MDGA2: variants seen among roughly 807,000 people sequenced by gnomAD.
MDGA2 encodes the protein MAM domain-containing glycosylphosphatidylinositol anchor protein 2.
In MDGA2, 40 loss-of-function variants were observed where a neutral mutation model predicts 117.8. That is an observed-to-expected ratio of 0.34 (90% CI 0.26 to 0.44). The LOEUF is 0.44. Among genes scored for constraint, MDGA2 ranks in the 20% least tolerant of loss-of-function variants. The pLI is 1.00. For synonymous variants in MDGA2, 452 were observed against 439.0 expected (o/e 1.03, Z -0.37); for missense variants, 1,123 against 1,250.6 (o/e 0.90, Z 1.54).
At chr14:47,170,529 A>C (rs762201030) in intron 3 of MDGA2, among the ~76,000 whole-genome samples, 7 of 152,148 alleles carry the variant, frequency 4.6e-5, no homozygotes, top group Non-Finnish European at 8.8e-5. Context: ...GAGTGACTTA[A>C]GAAGTCAAGC....
At chr14:47,484,009 T>C (rs938096572) in intron 1 of MDGA2, among the ~76,000 whole-genome samples, 1 of 152,218 alleles carries the variant, frequency 6.6e-6, no homozygotes, top group African/African-American at 2.4e-5. Context: ...CTCATTTTCA[T>C]AGTTTTAAAA....
chr14:46,989,332 A>G (rs75126842), intron 8 of MDGA2, among the ~76,000 whole-genome samples: 7,428 of 151,370 alleles, frequency 0.049, 592 homozygotes, highest in African/African-American at 0.17. Context: ...GAAAAAAAAA[A>G]GGGGGGTATC....
intron 1 of MDGA2, among the ~76,000 whole-genome samples, chr14:47,430,928 TTGAC>T (rs1594853302): frequency 6.6e-6 from 1 of 152,078 alleles, no homozygotes; most frequent in Admixed American, 6.6e-5. Flanking sequence ...ATTTTGAAGA[TTGAC>T]TGAGTGCACA....
intron 5 of MDGA2, among the ~76,000 whole-genome samples, chr14:47,103,718 C>T (rs780124851): frequency 1.3e-5 from 2 of 152,136 alleles, no homozygotes; most frequent in Non-Finnish European, 2.9e-5. Context: ...GGAAGAGATG[C>T]GATTCATATG....
intron 3 of MDGA2, among the ~76,000 whole-genome samples, chr14:47,177,550 G>A (rs1215831065): frequency 2.0e-5 from 3 of 152,048 alleles, no homozygotes; most frequent in Non-Finnish European, 4.4e-5. Flanking sequence ...CTATTGCAAG[G>A]ACAAAAATCA....
At position 46,882,168 on chromosome 14, in the gene MDGA2, T is replaced by C; in HGVS notation, c.2292A>G (p.Gln764=). The C allele has an allele frequency of 6.2e-7, 1 of 1,612,822 alleles. No homozygotes were observed. Among genetic ancestry groups the C allele is most frequent in the South Asian group, 1.1e-5 (1 of 91,002 alleles). Residue 764 remains glutamine (Q), a synonymous_variant, in exon 11 of 17, where the codon CAA becomes CAG. Coordinates refer to ENST00000399232, the MANE Select transcript of MDGA2 (RefSeq NM_001113498.3). ...EQEIKINGNI[Q]KGELITYNLT... ...AGTTATATGTAATTAATTCTCCCTT[T>C]TGAATATTCCCATTTATTTTAATCT...
chr14:46,869,318 C>T (rs1228005180), intron 14 of MDGA2, among the ~76,000 whole-genome samples: 9 of 144,882 alleles, frequency 6.2e-5, no homozygotes, highest in African/African-American at 2.1e-4. Context: ...TTTTAATACA[C>T]TTTTGTCATA....
rs147617552 is a variant in MDGA2, at chr14:47,490,558, A to G, written c.280+183959T>C. 3.2e-4 allele frequency among the ~76,000 whole-genome samples: 48 copies of G among 152,230 alleles called. 1 individual carries two copies. Among genetic ancestry groups the G allele is most frequent in the Admixed American group, 3.1e-3 (48 of 15,280 alleles). ...TCCTCTACACACATCACATTAACTC[A>G]GTAATTGCCAAGTTTTACTTTCACA... On this transcript the variant is annotated intron_variant, in intron 1 of 16. Coordinates refer to ENST00000399232, the MANE Select transcript of MDGA2 (RefSeq NM_001113498.3).
chr14:47,550,942 G>A (rs145589360), intron 1 of MDGA2, among the ~76,000 whole-genome samples: 22 of 152,200 alleles, frequency 1.4e-4, no homozygotes, highest in African/African-American at 4.3e-4. Flanking sequence ...GTCAAGTTGC[G>A]GCCACCAGGC....
intron 3 of MDGA2, among the ~76,000 whole-genome samples, chr14:47,189,511 C>G (rs1344308591): frequency 1.3e-5 from 2 of 152,048 alleles, no homozygotes; most frequent in East Asian, 3.9e-4. Flanking sequence ...AGTCAGGTGT[C>G]ATTTCTATTC....
At chr14:47,366,986 T>C (rs1044601591) in intron 1 of MDGA2, among the ~76,000 whole-genome samples, 1 of 151,930 alleles carries the variant, frequency 6.6e-6, no homozygotes, top group Admixed American at 6.6e-5. Context: ...GAAACCTTAA[T>C]CTACATTGTT....
At chr14:46,997,276 ACTT>A (rs1887329926) in intron 8 of MDGA2, 1 of 152,598 alleles carries the variant, frequency 6.6e-6, no homozygotes, top group Non-Finnish European at 1.5e-5. Flanking sequence ...TGGCCAGTTG[ACTT>A]CTAAGAAGTA....
At chr14:47,521,974 T>C (rs1030255112) in intron 1 of MDGA2, among the ~76,000 whole-genome samples, 1 of 152,090 alleles carries the variant, frequency 6.6e-6, no homozygotes, top group African/African-American at 2.4e-5. Context: ...ACCCAGCCCA[T>C]AGGCATGTTT....
In MDGA2 at chr14:46,884,423, CACAT is replaced by C. The variant is rs1289566804; in HGVS notation, c.2239-2206_2239-2203del. 1.3e-5 allele frequency among the ~76,000 whole-genome samples: 2 copies of C among 152,128 alleles called. No individual in the cohort carries two copies. The highest frequency in any genetic ancestry group is 2.4e-5 in the African/African-American group (1 of 41,444). ...TACACATTATATGCACAGGTACACA[CACAT>C]ACACATATCACATAATATGCACATA... On this transcript the variant is annotated intron_variant, in intron 10 of 16. Coordinates refer to ENST00000399232, the MANE Select transcript of MDGA2 (RefSeq NM_001113498.3). The surrounding 1 kb of genome is among the most constrained non-coding windows in gnomAD (Gnocchi z 4.1).
chr14:46,950,565 T>C (rs1456789541), intron 9 of MDGA2, among the ~76,000 whole-genome samples: 1 of 151,996 alleles, frequency 6.6e-6, no homozygotes, highest in Non-Finnish European at 1.5e-5. Context: ...CCATCTGTTA[T>C]CATCATAAAT....
intron 8 of MDGA2, among the ~76,000 whole-genome samples, chr14:46,966,764 CTTTTTG>C (rs745373652): frequency 3.3e-5 from 5 of 151,672 alleles, no homozygotes; most frequent in Non-Finnish European, 5.9e-5. Context: ...TTAGCATTTT[CTTTTTG>C]TATCTACTGG....
chr14:46,880,713 A>G (rs1231577870), intron 11 of MDGA2, among the ~76,000 whole-genome samples: 1 of 149,792 alleles, frequency 6.7e-6, no homozygotes, highest in African/African-American at 2.5e-5. Flanking sequence ...GAAGCAGGAT[A>G]ATTGCTTGTA....
intron 7 of MDGA2, among the ~76,000 whole-genome samples, chr14:47,054,587 T>C (rs1335772332): frequency 6.6e-6 from 1 of 151,474 alleles, no homozygotes; most frequent in African/African-American, 2.4e-5. Context: ...GTCCTTGCGA[T>C]AGTTTGCTGA....
At chr14:47,014,875 C>G (rs1888025220) in intron 8 of MDGA2, among the ~76,000 whole-genome samples, 1 of 152,150 alleles carries the variant, frequency 6.6e-6, no homozygotes, top group African/African-American at 2.4e-5. Context: ...GCATCCACAA[C>G]TTGGATAACT....
Sources: allele counts gnomAD v4.1 joint callset (sites outside exome capture counted in the v4.1 genomes callset), GRCh38; gene constraint gnomAD v4.1.1; non-coding constraint Gnocchi (gnomAD v3.1); transcripts MANE v1.5; gene names NCBI Gene and HGNC (gene_info 2026-07-23, HGNC 2026-07-21).